Variants in PTPRT observed in about 807,000 individuals in gnomAD.
PTPRT encodes the protein protein tyrosine phosphatase receptor type T.
PTPRT carries 56 observed loss-of-function variants against 176.8 expected under a neutral mutation model. That is an observed-to-expected ratio of 0.32 (90% confidence interval 0.26 to 0.40). The LOEUF is 0.40. Ranked by LOEUF, PTPRT falls within the 10% of genes least tolerant of loss-of-function variation. The pLI is 1.00. For synonymous variants in PTPRT, 783 were observed against 739.0 expected, an observed-to-expected ratio of 1.06 and a Z score of -0.96; for missense variants, 1,540 against 1,908.2, an observed-to-expected ratio of 0.81 and a Z score of 3.60.
At chr20:42,162,879 G>A (rs1569549) in intron 16 of PTPRT, among the ~76,000 whole-genome samples, 37,368 of 152,166 alleles carry the variant, frequency 0.25, 6,312 homozygotes, top group African/African-American at 0.48. Flanking sequence ...CTCGGCAGCA[G>A]CATCGGCAAG....
At chr20:43,077,780 T>C (rs1188260014) in intron 1 of PTPRT, among the ~76,000 whole-genome samples, 2 of 152,196 alleles carry the variant, frequency 1.3e-5, no homozygotes, top group Non-Finnish European at 2.9e-5. Flanking sequence ...AGCACCATTC[T>C]AATCCCTGCT....
chr20:42,565,350 C>G (rs2073020308), intron 7 of PTPRT, among the ~76,000 whole-genome samples: 1 of 152,188 alleles, frequency 6.6e-6, no homozygotes, highest in Non-Finnish European at 1.5e-5. Flanking sequence ...CACCATTTGT[C>G]ACTGTCAGCC....
intron 1 of PTPRT, among the ~76,000 whole-genome samples, chr20:42,994,437 G>A (rs568730653): frequency 1.3e-5 from 2 of 151,934 alleles, no homozygotes; most frequent in East Asian, 3.9e-4. Flanking sequence ...AACCCATTAG[G>A]ACTTTTTTTT....
At chr20:42,421,073 C>T (rs1292532012) in intron 9 of PTPRT, among the ~76,000 whole-genome samples, 1 of 152,136 alleles carries the variant, frequency 6.6e-6, no homozygotes, top group Non-Finnish European at 1.5e-5. Context: ...TGATCCAGAA[C>T]TGCTTCTTCT....
intron 1 of PTPRT, among the ~76,000 whole-genome samples, chr20:43,040,049 AG>A (rs1986543805): frequency 6.6e-6 from 1 of 152,168 alleles, no homozygotes; most frequent in Admixed American, 6.5e-5. Context: ...TCAAAAAAAA[AG>A]GAATAAAGAA....
chr20:42,115,988 G>A, intron 21 of PTPRT: 1 of 715,814 alleles, frequency 1.4e-6, no homozygotes, highest in Non-Finnish European at 2.6e-6. Flanking sequence ...CGCACTCATG[G>A]ATGAAAAAGA....
chr20:42,910,742 A>G (rs914266054), intron 1 of PTPRT, among the ~76,000 whole-genome samples: 2 of 152,216 alleles, frequency 1.3e-5, no homozygotes, highest in African/African-American at 4.8e-5. Context: ...TACGGAACAC[A>G]AAATCTTCTT....
At chr20:42,611,399 A>G in intron 7 of PTPRT, among the ~76,000 whole-genome samples, 1 of 152,120 alleles carries the variant, frequency 6.6e-6, no homozygotes, top group East Asian at 1.9e-4. Context: ...ATCTCATTTC[A>G]TCTTCAGAAC....
intron 8 of PTPRT, among the ~76,000 whole-genome samples, chr20:42,466,578 T>C (rs939357827): frequency 6.6e-6 from 1 of 152,178 alleles, no homozygotes; most frequent in Non-Finnish European, 1.5e-5. Context: ...GAAACTATTT[T>C]ATGTGTGTTT....
At chr20:42,589,284 T>A (rs748002474) in intron 7 of PTPRT, among the ~76,000 whole-genome samples, 4 of 152,208 alleles carry the variant, frequency 2.6e-5, no homozygotes, top group Non-Finnish European at 5.9e-5. Context: ...TGCCAAGTTA[T>A]CTTTATCTGG....
intron 2 of PTPRT, among the ~76,000 whole-genome samples, chr20:42,838,388 A>G (rs1370742450): frequency 6.6e-6 from 1 of 152,216 alleles, no homozygotes; most frequent in African/African-American, 2.4e-5. Context: ...CCATATTATG[A>G]GCCCTTGCCC....
At chr20:42,414,635 T>G (rs1190538267) in intron 9 of PTPRT, among the ~76,000 whole-genome samples, 1 of 152,120 alleles carries the variant, frequency 6.6e-6, no homozygotes, top group African/African-American at 2.4e-5. Flanking sequence ...AGTTCAAAAA[T>G]GTAATGCAAG....
chr20:42,809,418 T>A (rs2077662367), intron 2 of PTPRT, among the ~76,000 whole-genome samples: 1 of 152,154 alleles, frequency 6.6e-6, no homozygotes, highest in Admixed American at 6.5e-5. Flanking sequence ...GGCACTGAGA[T>A]GGAGCAGGGA....
At chr20:42,118,300 G>A (rs1987399757) in intron 21 of PTPRT, 103 bp downstream of exon 21, 2 of 993,850 alleles carry the variant, frequency 2.0e-6, no homozygotes, top group Admixed American at 5.0e-5. Flanking sequence ...CCGTGAGGGT[G>A]AAATACTGAC....
chr20:42,947,456 A>T (rs2146006584), intron 1 of PTPRT, among the ~76,000 whole-genome samples: 1 of 152,226 alleles, frequency 6.6e-6, no homozygotes, highest in Non-Finnish European at 1.5e-5. Context: ...TAGAGCAGGG[A>T]AATTCTAATG....
intron 16 of PTPRT, among the ~76,000 whole-genome samples, chr20:42,162,947 G>A (rs1233364582): frequency 6.6e-6 from 1 of 152,192 alleles, no homozygotes; most frequent in African/African-American, 2.4e-5. Context: ...TGCTTTCTAG[G>A]TGACCAACTT....
At chr20:42,137,472 C>CA (rs1246791891) in intron 18 of PTPRT, among the ~76,000 whole-genome samples, 1 of 152,162 alleles carries the variant, frequency 6.6e-6, no homozygotes, top group Non-Finnish European at 1.5e-5. Context: ...CATTCTCCCC[C>CA]AGGAACATGG....
intron 2 of PTPRT, among the ~76,000 whole-genome samples, chr20:42,831,503 T>G (rs114686647): frequency 0.017 from 2,604 of 152,268 alleles, 80 homozygotes; most frequent in African/African-American, 0.06. Flanking sequence ...CAAAAGTGAT[T>G]GCAATAAAAG....
chr20:42,038,509 G>T, the PTPRT span, among the ~76,000 whole-genome samples: 36 of 152,296 alleles, frequency 2.4e-4, no homozygotes, highest in Non-Finnish European at 3.5e-4. Context: ...AGGGAAGGAA[G>T]GGCATCTGTG....
Sources: allele counts gnomAD v4.1 joint callset (sites outside exome capture counted in the v4.1 genomes callset), GRCh38; gene constraint gnomAD v4.1.1; transcripts MANE v1.5; gene names NCBI Gene and HGNC (gene_info 2026-07-23, HGNC 2026-07-21).